MSRA: variants seen among roughly 807,000 people sequenced by gnomAD.
MSRA encodes the protein methionine sulfoxide reductase A, also known as mitochondrial peptide methionine sulfoxide reductase.
A neutral mutation model predicts 31.3 loss-of-function variants in MSRA; 54 were observed. The observed-to-expected ratio is 1.73, with a 90% CI of 1.39 to 2.17. MSRA has a LOEUF of 2.17. Among genes scored for constraint, MSRA ranks in the 30% most tolerant of loss-of-function variants. The pLI is 0.00. For missense variants in MSRA, 507 were observed against 300.9 expected (o/e 1.69, Z -5.07); for synonymous variants, 169 against 116.5 (o/e 1.45, Z -2.90).
chr8:10,369,857 A>G (rs2129169547), intron 5 of MSRA, among the ~76,000 whole-genome samples: 1 of 152,368 alleles, frequency 6.6e-6, no homozygotes, highest in African/African-American at 2.4e-5. Flanking sequence ...TCAAAGCACT[A>G]TTATATAACT....
At chr8:10,235,245 A>G (rs1669065556) in intron 2 of MSRA, among the ~76,000 whole-genome samples, 1 of 152,178 alleles carries the variant, frequency 6.6e-6, no homozygotes, top group South Asian at 2.1e-4. Context: ...TCAAATCGGA[A>G]ATAAAATTGT....
chr8:10,109,472 G>C lies in MSRA; in HGVS notation c.142+54814G>C, dbSNP rs1284911115. The stretch of plus-strand genomic sequence containing the variant: ...TCCTTCCACCTCAGCCTCCCAATTA[G>C]CTGGGGCAACAGGCACGCACCTACC... On this transcript the variant is annotated intron_variant, in intron 1 of 5. Transcript: ENST00000317173. 2.6e-5 allele frequency among the ~76,000 whole-genome samples: 4 copies of C among 151,716 alleles called. No individual in the cohort carries two copies. The East Asian group carries it at 5.8e-4, about 22-fold the overall frequency.
intron 5 of MSRA, among the ~76,000 whole-genome samples, chr8:10,371,800 A>T (rs1303491660): frequency 6.6e-6 from 1 of 152,166 alleles, no homozygotes; most frequent in African/African-American, 2.4e-5. Flanking sequence ...ACTGTGGCGC[A>T]TCCATCTTTG....
intron 1 of MSRA, among the ~76,000 whole-genome samples, chr8:10,142,334 C>T (rs1802790589): frequency 6.6e-6 from 1 of 151,946 alleles, no homozygotes; most frequent in Non-Finnish European, 1.5e-5. Flanking sequence ...TCCCATTTTC[C>T]AGGAGAGGAA....
chr8:10,279,200 G>C (rs11774051), intron 3 of MSRA, among the ~76,000 whole-genome samples: 36,865 of 152,068 alleles, frequency 0.24, 4,898 homozygotes, highest in Non-Finnish European at 0.3. Context: ...TTACCTTGTT[G>C]GGTGGGGTGA....
intron 5 of MSRA, among the ~76,000 whole-genome samples, chr8:10,355,966 C>G (rs915327020): frequency 6.6e-6 from 1 of 152,106 alleles, no homozygotes; most frequent in African/African-American, 2.4e-5. Flanking sequence ...GGGGTCTGTT[C>G]ACAAGGAATT....
chr8:10,428,411 C>G lies in MSRA; in HGVS notation c.*99C>G, dbSNP rs181726362. 4.8e-6 allele frequency: 6 copies of G among 1,259,794 alleles called. No individual in the cohort carries two copies. In the Admixed American group the frequency reaches 1.4e-4, roughly 30 times the overall value. The allele number at this position is 1,259,794 out of a possible 1,614,324, so 78.0% of individuals were successfully genotyped here. A position where few individuals can be genotyped will look rare whatever the true frequency, so the allele number is the denominator to read the frequency against. ...TCACAATCGTGGCATTTAAAGTGCA[C>G]AAAGTACAAAGGAATTTATACAGAT... On this transcript the variant is annotated 3_prime_UTR_variant, in exon 6 of 6. Coordinates refer to ENST00000317173, the MANE Select transcript of MSRA (RefSeq NM_012331.5).
At chr8:10,414,053 G>C (rs965064022) in intron 5 of MSRA, among the ~76,000 whole-genome samples, 3 of 152,124 alleles carry the variant, frequency 2.0e-5, no homozygotes, top group East Asian at 3.8e-4. Context: ...TGTAGTCCCT[G>C]CTACTTGCGA....
chr8:10,243,171 G>T (rs769178464), intron 2 of MSRA, among the ~76,000 whole-genome samples: 6 of 152,182 alleles, frequency 3.9e-5, no homozygotes, highest in South Asian at 4.1e-4. Flanking sequence ...AAGGTTGAAG[G>T]ATTCTGGTGC....
chr8:10,246,689 T>A (rs888970751), intron 3 of MSRA, among the ~76,000 whole-genome samples: 1 of 152,208 alleles, frequency 6.6e-6, no homozygotes, highest in Non-Finnish European at 1.5e-5. Flanking sequence ...GAAATAAAAA[T>A]TGAGCTGTAC....
chr8:10,214,194 C>T (rs532703010), intron 2 of MSRA, among the ~76,000 whole-genome samples: 1 of 152,162 alleles, frequency 6.6e-6, no homozygotes, highest in East Asian at 1.9e-4. Flanking sequence ...AGCTAAGGTG[C>T]CGAGTGTTCG....
intron 2 of MSRA, among the ~76,000 whole-genome samples, chr8:10,214,930 T>C (rs1161597586): frequency 6.6e-6 from 1 of 152,206 alleles, no homozygotes; most frequent in East Asian, 1.9e-4. Context: ...TGAAAACCTG[T>C]GTTGAAAATC....
intron 1 of MSRA, among the ~76,000 whole-genome samples, chr8:10,054,966 A>C (rs1184649575): frequency 1.3e-5 from 2 of 152,048 alleles, no homozygotes; most frequent in Non-Finnish European, 1.5e-5. Context: ...TTGGGCAGGA[A>C]ATGTGCCGCT....
intron 3 of MSRA, among the ~76,000 whole-genome samples, chr8:10,276,006 T>C (rs1180317493): frequency 6.6e-6 from 1 of 152,240 alleles, no homozygotes; most frequent in African/African-American, 2.4e-5. Context: ...AAGTTCCTTC[T>C]GTTGCTCCAA....
intron 1 of MSRA, among the ~76,000 whole-genome samples, chr8:10,061,285 T>C (rs79290440): frequency 1.3e-5 from 2 of 152,288 alleles, no homozygotes; most frequent in East Asian, 3.9e-4. Context: ...TACTTAGTCA[T>C]TCATTAAATG....
At chr8:10,183,808 G>C (rs13259030) in intron 1 of MSRA, among the ~76,000 whole-genome samples, 7,105 of 99,964 alleles carry the variant, frequency 0.071, 253 homozygotes, top group Non-Finnish European at 0.095. Flanking sequence ...GGTGGTGGTG[G>C]TGCTGCTGCT....
At chr8:10,329,040 TTGC>T (rs1802539876) in intron 5 of MSRA, among the ~76,000 whole-genome samples, 1 of 152,228 alleles carries the variant, frequency 6.6e-6, no homozygotes, top group South Asian at 2.1e-4. Context: ...GACACCGAAG[TTGC>T]TATTATGATC....
At chr8:10,134,593 A>G (rs1056056151) in intron 1 of MSRA, among the ~76,000 whole-genome samples, 4 of 152,104 alleles carry the variant, frequency 2.6e-5, no homozygotes, top group African/African-American at 4.8e-5. Context: ...GCTCGAGTCT[A>G]AGTTTACCCG....
chr8:10,370,795 G>T (rs1227894399), intron 5 of MSRA, among the ~76,000 whole-genome samples: 1 of 152,230 alleles, frequency 6.6e-6, no homozygotes, highest in East Asian at 1.9e-4. Context: ...GGTCCTGTGG[G>T]TCGGCTCCTG....
Sources: allele counts gnomAD v4.1 joint callset (sites outside exome capture counted in the v4.1 genomes callset), GRCh38; gene constraint gnomAD v4.1.1; transcripts MANE v1.5; gene names NCBI Gene and HGNC (gene_info 2026-07-23, HGNC 2026-07-21).